Variants in MYO1H observed in about 807,000 individuals in gnomAD.
MYO1H encodes myosin IH, also known as unconventional myosin-Ih.
In MYO1H, 118 loss-of-function variants were observed where a neutral mutation model predicts 149.3. The observed-to-expected ratio is 0.79, with a 90% CI of 0.68 to 0.92. The LOEUF (loss-of-function observed/expected upper bound fraction) is 0.92, where lower values mean the gene tolerates loss of function less well. Among genes scored for constraint, MYO1H ranks in the 40% least tolerant of loss-of-function variants. MYO1H has a pLI of 0.00. For synonymous variants in MYO1H, 447 were observed against 465.2 expected, an observed-to-expected ratio of 0.96 and a Z score of 0.50; for missense variants, 1,212 against 1,280.7, an observed-to-expected ratio of 0.95 and a Z score of 0.82.
At chr12:109,434,387 G>A (rs764243034) in intron 20 of MYO1H, among the ~76,000 whole-genome samples, 3 of 152,110 alleles carry the variant, frequency 2.0e-5, no homozygotes, top group African/African-American at 7.2e-5. Flanking sequence ...CCAGCTACTC[G>A]GGAGTCTGAG....
chr12:109,365,495 C>T (rs980596726), intron 1 of MYO1H, among the ~76,000 whole-genome samples: 1 of 152,144 alleles, frequency 6.6e-6, no homozygotes, highest in Admixed American at 6.5e-5. Flanking sequence ...GTACTTTTCC[C>T]CTCCCTCGGA....
chr12:109,420,996 A>G (rs781300453), exon 16 of MYO1H: 2 of 1,586,920 alleles, frequency 1.3e-6, no homozygotes, highest in Non-Finnish European at 8.6e-7. Flanking sequence ...TTGGAAAAAA[A>G]CAATGATCTT....
intron 2 of MYO1H, 121 bp downstream of exon 2, chr12:109,388,965 G>T (rs1869515121): frequency 3.9e-6 from 5 of 1,281,096 alleles, no homozygotes; most frequent in Non-Finnish European, 5.3e-6. Context: ...AGATACTGAG[G>T]CGCCACTCTT....
intron 16 of MYO1H, 68 bp from the exon 17 acceptor site, chr12:109,424,680 G>T: frequency 8.0e-7 from 1 of 1,248,058 alleles, no homozygotes; most frequent in Non-Finnish European, 1.2e-6. Context: ...CACTCTGTGA[G>T]CCGTCCTGAC....
chr12:109,400,984 T>C (rs1870134678), intron 5 of MYO1H, 109 bp from the exon 6 acceptor site: 1 of 896,102 alleles, frequency 1.1e-6, no homozygotes, highest in African/African-American at 1.7e-5. Context: ...AGAAAGAAGA[T>C]TGATCAGATC....
intron 14 of MYO1H, among the ~76,000 whole-genome samples, chr12:109,413,000 CAG>C (rs775310864): frequency 6.2e-5 from 9 of 144,872 alleles, no homozygotes; most frequent in Non-Finnish European, 1.0e-4. Context: ...TTATTTGAGA[CAG>C]AGTCTTGCTC....
chr12:109,405,813 G>A (rs1374835083), intron 7 of MYO1H, 109 bp from the exon 8 acceptor site: 1 of 750,052 alleles, frequency 1.3e-6, no homozygotes, highest in Non-Finnish European at 2.3e-6. Context: ...ATTGGGACGG[G>A]GGCATTTTTC....
intron 16 of MYO1H, among the ~76,000 whole-genome samples, chr12:109,422,898 AC>A (rs1255491491): frequency 1.3e-5 from 2 of 151,706 alleles, no homozygotes; most frequent in East Asian, 3.9e-4. Flanking sequence ...ACATGGTGAA[AC>A]CCCATCCTTA....
chr12:109,406,814 T>G (rs2137057900), exon 9 of MYO1H: 1 of 1,613,896 alleles, frequency 6.2e-7, no homozygotes, highest in East Asian at 2.2e-5. Context: ...CCATCAGTCC[T>G]TCTGGAAGCT....
intron 1 of MYO1H, among the ~76,000 whole-genome samples, chr12:109,376,537 A>G (rs1016360396): frequency 6.6e-6 from 1 of 152,144 alleles, no homozygotes; most frequent in African/African-American, 2.4e-5. Context: ...TCCCAGGATG[A>G]TATTTGGAAA....
the MYO1H span, among the ~76,000 whole-genome samples, chr12:109,334,565 T>C: frequency 6.6e-6 from 1 of 152,244 alleles, no homozygotes; most frequent in African/African-American, 2.4e-5. Flanking sequence ...ACCAGATCCA[T>C]TGAAATTGCC....
At chr12:109,416,969 T>G (rs1460168216) in intron 15 of MYO1H, among the ~76,000 whole-genome samples, 5 of 151,356 alleles carry the variant, frequency 3.3e-5, no homozygotes, top group Non-Finnish European at 1.5e-5. Flanking sequence ...ATCGCGCCAT[T>G]GCACTCCAGC....
chr12:109,363,135 A>G (rs1868788751), intron 1 of MYO1H, among the ~76,000 whole-genome samples: 1 of 152,222 alleles, frequency 6.6e-6, no homozygotes, highest in Non-Finnish European at 1.5e-5. Context: ...CCATATCGGC[A>G]TGCAGCATGT....
chr12:109,436,507 T>G, exon 22 of MYO1H: 1 of 1,611,214 alleles, frequency 6.2e-7, no homozygotes, highest in South Asian at 1.1e-5. Flanking sequence ...TCCAAGCCAC[T>G]TACAAACGCT....
intron 1 of MYO1H, among the ~76,000 whole-genome samples, chr12:109,385,722 C>CT (rs372777925): frequency 1.1e-4 from 16 of 151,902 alleles, no homozygotes; most frequent in African/African-American, 3.1e-4. Flanking sequence ...TTTTTTAAAA[C>CT]TTTTTTTATG....
chr12:109,332,402 G>A, the MYO1H span, among the ~76,000 whole-genome samples: 1 of 152,092 alleles, frequency 6.6e-6, no homozygotes, highest in Non-Finnish European at 1.5e-5. Context: ...AAGGGGGCCT[G>A]CCTTCAGACA....
intron 7 of MYO1H, among the ~76,000 whole-genome samples, chr12:109,405,715 T>G (rs1870348370): frequency 6.6e-6 from 1 of 152,212 alleles, no homozygotes; most frequent in Non-Finnish European, 1.5e-5. Flanking sequence ...AATGAGGCTG[T>G]TTCCCTCTTC....
chr12:109,411,438 C>T (rs1437973131), intron 13 of MYO1H, among the ~76,000 whole-genome samples: 1 of 152,212 alleles, frequency 6.6e-6, no homozygotes, highest in African/African-American at 2.4e-5. Flanking sequence ...TAAATGGTAT[C>T]ATTCTTGAGG....
In MYO1H at chr12:109,396,827, T is replaced by G. The variant is rs919645877; in HGVS notation, c.489+245T>G. ...TGTTTTGGTTTCGTTTTTTTTTTTT[T>G]TTTTTTTTTTTTTTTTTGAGACGGA... On this transcript the variant is annotated intron_variant, in intron 4 of 31. Transcript: ENST00000310903. 5.5e-5 allele frequency among the ~76,000 whole-genome samples: 7 copies of G among 126,562 alleles called. 1 individual carries two copies. The highest frequency in any genetic ancestry group is 1.8e-4 in the African/African-American group (6 of 33,134). The allele number at this position is 126,562 out of a possible 152,430, so 83.0% of individuals were successfully genotyped here.
Sources: allele counts gnomAD v4.1 joint callset (sites outside exome capture counted in the v4.1 genomes callset), GRCh38; gene constraint gnomAD v4.1.1; transcripts MANE v1.5; gene names NCBI Gene and HGNC (gene_info 2026-07-23, HGNC 2026-07-21).